PAF1: variants seen among roughly 807,000 people sequenced by gnomAD.
The protein encoded by PAF1 is RNA polymerase II-associated factor 1 homolog.
PAF1 carries 31 observed loss-of-function variants against 68.4 expected under a neutral mutation model. The observed-to-expected ratio is 0.45, with a 90% CI of 0.34 to 0.61. The LOEUF (loss-of-function observed/expected upper bound fraction) is 0.61. PAF1 is among the 20% of genes least tolerant of loss of function. The pLI is 0.01. For synonymous variants in PAF1, 256 were observed against 240.5 expected (o/e 1.06, Z -0.60); for missense variants, 435 against 692.9 (o/e 0.63, Z 4.18).
rs770045189 is a variant in PAF1, at chr19:39,390,254, G to T, written c.77+6C>A. 18 of 1,613,620 alleles carry T rather than the reference G, an allele frequency of 1.1e-5. No individual in the cohort carries two copies. The highest frequency in any genetic ancestry group is 1.5e-5 in the Non-Finnish European group (18 of 1,179,782). ...ACCGCTCCTGGGAAAGCACAGTGGG[G>T]CTCACCTCTCAGGCAGAGTCCGGTG... On this transcript the variant is annotated splice_donor_region_variant and intron_variant, in intron 2 of 13. Coordinates refer to ENST00000221265, the MANE Select transcript of PAF1 (RefSeq NM_019088.4).
Position 39,389,018 on chromosome 19 carries a change from G to A in PAF1, c.568-3C>T. 1 of 1,614,020 alleles carries A rather than the reference G, an allele frequency of 6.2e-7. No individual in the cohort carries two copies. The highest frequency in any genetic ancestry group is 1.3e-5 in the African/African-American group (1 of 75,032). ...GGTTTGCTGTAATGCTGTGAGATCT[G>A]GTGGAACAAAAACAAGGTGAGGAGG... On this transcript the variant is annotated splice_region_variant and splice_polypyrimidine_tract_variant and intron_variant, in intron 7 of 13. Coordinates refer to ENST00000221265, the MANE Select transcript of PAF1 (RefSeq NM_019088.4). The surrounding 1 kb of genome is among the most constrained non-coding windows in gnomAD (Gnocchi z 5.3).
At chr19:39,388,697 A>G (rs1267460498) in intron 9 of PAF1, 21 bp from the exon 10 acceptor site, 1 of 1,611,878 alleles carries the variant, frequency 6.2e-7, no homozygotes, top group Admixed American at 1.7e-5. Flanking sequence ...GAAAAGGAGT[A>G]GCAATGAAGT....
rs555023233 is a variant in PAF1 at position 39,386,931 on chromosome 19, T to C, written c.987-132A>G. Reference sequence around the variant, plus strand: ...AATACTTAGAGTAAATGGGAATAAATACAGATTGAATAAGGGCAGCTAAGC... The same window carrying C: ...AATACTTAGAGTAAATGGGAATAAACACAGATTGAATAAGGGCAGCTAAGC... On this transcript the variant is annotated intron_variant, in intron 11 of 13. Coordinates refer to ENST00000221265, the MANE Select transcript of PAF1 (RefSeq NM_019088.4). This position sits in a 1 kb window ranked among gnomAD's most constrained non-coding sequence, Gnocchi z 6.1. The C allele has an allele frequency of 6.0e-6, 4 of 664,992 alleles. No homozygotes were observed. The South Asian group carries it at 6.7e-5, about 11-fold the overall frequency. The allele number at this position is 664,992 out of a possible 1,614,324, so 41.2% of individuals were successfully genotyped here. A position where few individuals can be genotyped will look rare whatever the true frequency, so the allele number is the denominator to read the frequency against.
At position 39,388,390 on chromosome 19, in the gene PAF1, A is replaced by T. The variant is rs754085663; in HGVS notation, c.935T>A (p.Phe312Tyr). The change falls in exon 11 of 14, where the codon TTC (phenylalanine) becomes TAC (tyrosine). Residue 312 changes from phenylalanine to tyrosine, a missense_variant. Coordinates refer to ENST00000221265, the MANE Select transcript of PAF1 (RefSeq NM_019088.4). ...CCCGTCACCCTCTCGGAAGATGAAG[A>T]AGTAGTTTTCCTCATAGCCCTTGCT... ...KASKGYEENY[F>Y]FIFREGDGVY... is the part of the protein sequence containing the mutation. The T allele has an allele frequency of 1.2e-6, 2 of 1,614,114 alleles. No homozygotes were observed. The highest frequency in any genetic ancestry group is 8.5e-7 in the Non-Finnish European group (1 of 1,179,980).
At position 39,390,805 on chromosome 19, in the gene PAF1, G is replaced by A. The variant is rs982669291; in HGVS notation, c.47+13C>T. The A allele has an allele frequency of 1.3e-6, 2 of 1,575,958 alleles. No individual in the cohort carries two copies. The highest frequency in any genetic ancestry group is 2.3e-5 in the East Asian group (1 of 43,048). ...TCCCCCGCCTTGCTGCAACAGAAAA[G>A]CGTGGCGCCTACCTGTGGCCATCCT... is the stretch of plus-strand genomic sequence containing the variant. On this transcript the variant is annotated intron_variant, in intron 1 of 13. Transcript: ENST00000221265.
chr19:39,390,814 C>T lies in PAF1; in HGVS notation c.47+4G>A, dbSNP rs1456247197. The T allele has an allele frequency of 6.3e-7, 1 of 1,580,956 alleles. No individual in the cohort carries two copies. Among genetic ancestry groups the T allele is most frequent in the African/African-American group, 1.3e-5 (1 of 74,354 alleles). On this transcript the variant is annotated splice_donor_region_variant and intron_variant, in intron 1 of 13. Coordinates refer to ENST00000221265, the MANE Select transcript of PAF1 (RefSeq NM_019088.4). Reference sequence around the variant, plus strand: ...TTGCTGCAACAGAAAAGCGTGGCGCCTACCTGTGGCCATCCTCCCGCTGGG... The same window carrying T: ...TTGCTGCAACAGAAAAGCGTGGCGCTTACCTGTGGCCATCCTCCCGCTGGG...
Position 39,390,813 on chromosome 19 carries a change from C to T in PAF1, c.47+5G>A, listed in dbSNP as rs1157402345. 4 of 1,580,510 alleles carry T rather than the reference C, an allele frequency of 2.5e-6. No homozygotes were observed. In the South Asian group the frequency reaches 4.6e-5, roughly 18 times the overall value. The stretch of plus-strand genomic sequence containing the variant: ...CTTGCTGCAACAGAAAAGCGTGGCG[C>T]CTACCTGTGGCCATCCTCCCGCTGG... On this transcript the variant is annotated splice_donor_5th_base_variant and intron_variant, in intron 1 of 13. Transcript: ENST00000221265.
Position 39,388,982 on chromosome 19 carries a change from G to C in PAF1, c.601C>G (p.Pro201Ala), listed in dbSNP as rs1314951608. ...SQHYSKPRVT[P>A]VEVMPVFPDF... Reference sequence around the variant, plus strand: ...GGGAAGACAGGCATGACCTCCACCGGTGTGACTCGGGGTTTGCTGTAATGC... The same window carrying C: ...GGGAAGACAGGCATGACCTCCACCGCTGTGACTCGGGGTTTGCTGTAATGC... Residue 201 changes from proline (P) to alanine (A), a missense_variant, in exon 8 of 14, where the codon CCG becomes GCG. Around this residue, in one of 7 missense-constraint regions of PAF1, gnomAD observed 151 missense variants for 306.3 expected, o/e 0.49. Transcript: ENST00000221265. 2 of 1,614,184 alleles carry C rather than the reference G, an allele frequency of 1.2e-6. No homozygotes were observed. The highest frequency in any genetic ancestry group is 1.7e-5 in the Admixed American group (1 of 60,022).
Position 39,388,458 on chromosome 19 carries a change from G to A in PAF1, c.867C>T (p.Tyr289=), listed in dbSNP as rs1568373809. The A allele has an allele frequency of 4.3e-6, 7 of 1,614,134 alleles. No individual in the cohort carries two copies. The highest frequency in any genetic ancestry group is 1.3e-5 in the African/African-American group (1 of 75,004). The change falls in exon 11 of 14, where the codon TAC becomes TAT. Residue 289 remains tyrosine (Y), a synonymous_variant. Coordinates refer to ENST00000221265, the MANE Select transcript of PAF1 (RefSeq NM_019088.4). The stretch of plus-strand genomic sequence containing the variant: ...TCCAGTTGTACTCCCGAGCAATTTT[G>A]TAGTCATACCTGAAGATGAGGGCAC... ...MDYAPDDVYD[Y]KIAREYNWNV...
At position 39,386,434 on chromosome 19, in the gene PAF1, C is replaced by T; in HGVS notation, c.1184-31G>A. The stretch of plus-strand genomic sequence containing the variant: ...AGGGAGTGGAGAGAGATGAAACCCA[C>T]TTTTCCACCCTCCCAGGGCTCCCAG... On this transcript the variant is annotated intron_variant, in intron 13 of 13. Transcript: ENST00000221265. This position sits in a 1 kb window ranked among gnomAD's most constrained non-coding sequence, Gnocchi z 6.1. 6.2e-7 allele frequency: 1 copy of T among 1,614,120 alleles called. No homozygotes were observed. The highest frequency in any genetic ancestry group is 2.2e-5 in the East Asian group (1 of 44,886).
rs1182074452 is a variant in PAF1 at position 39,389,925 on chromosome 19, T to C, written c.170+144A>G. 3 of 1,098,054 alleles carry C rather than the reference T, an allele frequency of 2.7e-6. No homozygotes were observed. Among genetic ancestry groups the C allele is most frequent in the Non-Finnish European group, 4.1e-6 (3 of 726,694 alleles). The allele number at this position is 1,098,054 out of a possible 1,614,324, so 68.0% of individuals were successfully genotyped here. On this transcript the variant is annotated intron_variant, in intron 3 of 13. Transcript: ENST00000221265. This position sits in a 1 kb window ranked among gnomAD's most constrained non-coding sequence, Gnocchi z 5.3. ...AGTGGGAAGGGACTTGGACACTGCT[T>C]GCTCCATTAACAATTGAGCAGCTAC...
At position 39,390,236 on chromosome 19, in the gene PAF1, C is replaced by T. The variant is rs778233529; in HGVS notation, c.77+24G>A. The T allele has an allele frequency of 4.3e-6, 7 of 1,613,756 alleles. No individual in the cohort carries two copies. In the African/African-American group the frequency reaches 5.3e-5, roughly 12 times the overall value. ...TCCCAGCCCCACTGCCCCACCGCTC[C>T]TGGGAAAGCACAGTGGGGCTCACCT... On this transcript the variant is annotated intron_variant, in intron 2 of 13. Transcript: ENST00000221265.
chr19:39,386,176 T>C lies in PAF1; in HGVS notation c.1411A>G (p.Arg471Gly), dbSNP rs767512579. The C allele has an allele frequency of 6.2e-7, 1 of 1,614,166 alleles. No homozygotes were observed. Among genetic ancestry groups the C allele is most frequent in the African/African-American group, 1.3e-5 (1 of 75,040 alleles). Residue 471 changes from arginine (R) to glycine (G), a missense_variant, in exon 14 of 14, where the codon AGA (arginine) becomes GGA (glycine). Arg to Gly is a moderately radical substitution (Grantham distance 125). This residue lies in a region of PAF1 where 83 missense variants were observed against 99.9 expected (regional missense o/e 0.83). Transcript: ENST00000221265. The surrounding 1 kb of genome is among the most constrained non-coding windows in gnomAD (Gnocchi z 6.1). Reference protein sequence around the residue: ...EDDADSDDEDRGQAQGGSDND... With the variant: ...EDDADSDDEDGGQAQGGSDND... ...TCACTGCCACCTTGGGCCTGTCCTC[T>C]GTCCTCATCATCAGAGTCGGCATCG...
rs908622986 is a variant in PAF1, at chr19:39,385,833, T to C, written c.*158A>G. 2.7e-6 allele frequency: 3 copies of C among 1,110,824 alleles called. No homozygotes were observed. Among genetic ancestry groups the C allele is most frequent in the Non-Finnish European group, 3.8e-6 (3 of 791,192 alleles). 68.8% of individuals were successfully genotyped at this position (1,110,824 alleles called of 1,614,324 possible). On this transcript the variant is annotated 3_prime_UTR_variant, in exon 14 of 14. Coordinates refer to ENST00000221265, the MANE Select transcript of PAF1 (RefSeq NM_019088.4). ...GTATGTGCTGGGCTGAATGACATCA[T>C]AGGGGCTGGGAGGGGAAGTAAAGAG...
chr19:39,388,896 GGAACAGGCAC>G, intron 8 of PAF1, 31 bp from the exon 9 acceptor site: 1 of 1,611,602 alleles, frequency 6.2e-7, no homozygotes, highest in Non-Finnish European at 8.5e-7. Context: ...GGGTTAGATG[GGAACAGGCAC>G]AAATAGGCTG....
chr19:39,388,806 C>T lies in PAF1; in HGVS notation c.696G>A (p.Thr232=), dbSNP rs755190022. 1.7e-5 allele frequency: 28 copies of T among 1,614,192 alleles called. No individual in the cohort carries two copies. Among genetic ancestry groups the T allele is most frequent in the South Asian group, 3.3e-5 (3 of 91,080 alleles). The change falls in exon 9 of 14, where the codon ACG becomes ACA. Residue 232 remains threonine (T), a synonymous_variant. Coordinates refer to ENST00000221265, the MANE Select transcript of PAF1 (RefSeq NM_019088.4). ...TCATCTCCAACGCAGCTGCACCACT[C>T]GTGTCCTTGGGGGCTGGGTCTGAGT... ...IFDSDPAPKD[T]SGAAALEMMS...
chr19:39,387,700 G>A (rs1171414974), intron 11 of PAF1, among the ~76,000 whole-genome samples: 2 of 152,192 alleles, frequency 1.3e-5, no homozygotes, highest in Non-Finnish European at 2.9e-5. Context: ...TTGAACATGG[G>A]TTTAAGCATT....
In PAF1 at chr19:39,389,437, C is replaced by G; in HGVS notation, c.359+43G>C. ...CCCCACTGCCCTCCTGCTTGTAGGG[C>G]CCACCTGAGCCAGTCTCCAGTACCC... On this transcript the variant is annotated intron_variant, in intron 5 of 13. Transcript: ENST00000221265. The surrounding 1 kb of genome is among the most constrained non-coding windows in gnomAD (Gnocchi z 5.3). 6.2e-7 allele frequency: 1 copy of G among 1,611,410 alleles called. No individual in the cohort carries two copies. Among genetic ancestry groups the G allele is most frequent in the Middle Eastern group, 1.7e-4 (1 of 6,060 alleles).
rs2078250743 is a variant in PAF1, at chr19:39,386,432, C to T, written c.1184-29G>A. The T allele has an allele frequency of 1.2e-6, 2 of 1,613,964 alleles. No homozygotes were observed. Among genetic ancestry groups the T allele is most frequent in the African/African-American group, 1.3e-5 (1 of 74,896 alleles). Reference sequence around the variant, plus strand: ...GAAGGGAGTGGAGAGAGATGAAACCCACTTTTCCACCCTCCCAGGGCTCCC... The same window carrying T: ...GAAGGGAGTGGAGAGAGATGAAACCTACTTTTCCACCCTCCCAGGGCTCCC... On this transcript the variant is annotated intron_variant, in intron 13 of 13. Coordinates refer to ENST00000221265, the MANE Select transcript of PAF1 (RefSeq NM_019088.4). This position sits in a 1 kb window ranked among gnomAD's most constrained non-coding sequence, Gnocchi z 6.1.
Sources: gnomAD v4.1 joint callset for allele counts (sites outside exome capture counted in the v4.1 genomes callset) on GRCh38, gnomAD v4.1.1 for gene constraint, gnomAD v4.1.1 regional missense constraint, Gnocchi (gnomAD v3.1) non-coding constraint, MANE v1.5 for transcripts, NCBI Gene and HGNC (gene_info 2026-07-23, HGNC 2026-07-21) for gene names.